LINGO2: variants seen among roughly 807,000 people sequenced by gnomAD.
LINGO2 encodes the protein leucine-rich repeat and immunoglobulin-like domain-containing nogo receptor-interacting protein 2.
In LINGO2, 14 loss-of-function variants were observed where a neutral mutation model predicts 30.6. The ratio of observed to expected loss-of-function variants is 0.46; its 90% CI spans 0.30 to 0.72. The LOEUF (loss-of-function observed/expected upper bound fraction) is 0.72, where lower values mean the gene tolerates loss of function less well. Ranked by LOEUF, LINGO2 falls within the 30% of genes least tolerant of loss-of-function variation. The probability of loss-of-function intolerance (pLI) is 0.07; values close to 1 mark genes in which losing one functional copy is unlikely to be tolerated. For missense variants in LINGO2, 729 were observed against 751.7 expected (o/e 0.97, Z 0.35); for synonymous variants, 317 against 288.5 (o/e 1.10, Z -1.00).
At chr9:29,126,563 A>C in the LINGO2 span, among the ~76,000 whole-genome samples, 3 of 152,108 alleles carry the variant, frequency 2.0e-5, 1 homozygote, top group South Asian at 6.2e-4. Context: ...AAATGAGTTC[A>C]AGTAGTATCT....
the LINGO2 span, among the ~76,000 whole-genome samples, chr9:29,087,563 A>T: frequency 1.3e-5 from 2 of 152,200 alleles, no homozygotes; most frequent in African/African-American, 4.8e-5. Context: ...GTTTTCCCAT[A>T]GACCACACTG....
chr9:29,073,354 G>C, the LINGO2 span, among the ~76,000 whole-genome samples: 1 of 151,968 alleles, frequency 6.6e-6, no homozygotes, highest in Non-Finnish European at 1.5e-5. Context: ...TTAAGTAATG[G>C]GGGAAAAAAA....
the LINGO2 span, among the ~76,000 whole-genome samples, chr9:29,047,689 G>T: frequency 1.3e-5 from 2 of 152,114 alleles, no homozygotes; most frequent in African/African-American, 2.4e-5. Flanking sequence ...AATTATACTT[G>T]TTTGCAGATT....
intron 4 of LINGO2, among the ~76,000 whole-genome samples, chr9:28,083,475 G>T (rs1039604459): frequency 5.9e-5 from 9 of 152,106 alleles, no homozygotes; most frequent in Non-Finnish European, 1.0e-4. Context: ...GACTATTATG[G>T]ATTACCTGTT....
chr9:28,763,180 A>G, the LINGO2 span, among the ~76,000 whole-genome samples: 2 of 152,044 alleles, frequency 1.3e-5, no homozygotes, highest in African/African-American at 4.8e-5. Flanking sequence ...TCAGACTTGA[A>G]TAACACTCAA....
At chr9:28,785,605 AG>A in the LINGO2 span, among the ~76,000 whole-genome samples, 1 of 152,080 alleles carries the variant, frequency 6.6e-6, no homozygotes, top group African/African-American at 2.4e-5. Context: ...GACACACAGC[AG>A]ACTCTCACTT....
At chr9:28,606,797 T>A (rs1246341850) in intron 1 of LINGO2, among the ~76,000 whole-genome samples, 1 of 152,052 alleles carries the variant, frequency 6.6e-6, no homozygotes, top group East Asian at 1.9e-4. Flanking sequence ...TGCAATTATG[T>A]AAAATTGAAT....
the LINGO2 span, among the ~76,000 whole-genome samples, chr9:29,164,653 C>G: frequency 6.6e-6 from 1 of 151,960 alleles, no homozygotes; most frequent in East Asian, 1.9e-4. Flanking sequence ...AATTAAGAAG[C>G]AGAATTTCTA....
chr9:28,505,935 AT>A (rs1285697755), intron 1 of LINGO2, among the ~76,000 whole-genome samples: 6 of 151,986 alleles, frequency 3.9e-5, no homozygotes, highest in Non-Finnish European at 8.8e-5. Flanking sequence ...GCACAAAGGA[AT>A]TATTATTATG....
chr9:28,016,514 C>T (rs2119313279), intron 4 of LINGO2, among the ~76,000 whole-genome samples: 1 of 151,980 alleles, frequency 6.6e-6, no homozygotes, highest in Non-Finnish European at 1.5e-5. Context: ...ACAAATTTCC[C>T]ACAGAAATAA....
intron 4 of LINGO2, among the ~76,000 whole-genome samples, chr9:28,262,469 C>T (rs1822598369): frequency 6.6e-6 from 1 of 151,662 alleles, no homozygotes; most frequent in South Asian, 2.1e-4. Context: ...ACAAAAAAGC[C>T]AGATTAGTGG....
At chr9:28,540,263 TCTCTCTCTCTCTCC>T (rs1301502136) in intron 1 of LINGO2, among the ~76,000 whole-genome samples, 3 of 151,202 alleles carry the variant, frequency 2.0e-5, no homozygotes, top group African/African-American at 4.9e-5. Context: ...TTTCTGTCTC[TCTCTCTCTCTCTCC>T]CTCTCTCTCT....
At chr9:28,082,031 C>A (rs995428262) in intron 4 of LINGO2, among the ~76,000 whole-genome samples, 3 of 152,126 alleles carry the variant, frequency 2.0e-5, no homozygotes, top group Non-Finnish European at 4.4e-5. Flanking sequence ...ACTTCTTGAT[C>A]ATAAAAACCT....
intron 4 of LINGO2, among the ~76,000 whole-genome samples, chr9:28,037,824 TAA>T (rs1824010834): frequency 6.6e-6 from 1 of 152,196 alleles, no homozygotes; most frequent in African/African-American, 2.4e-5. Flanking sequence ...CACAACCTCT[TAA>T]AACACCTATT....
the LINGO2 span, among the ~76,000 whole-genome samples, chr9:29,027,765 C>A: frequency 6.6e-6 from 1 of 152,136 alleles, no homozygotes; most frequent in African/African-American, 2.4e-5. Context: ...GATTTGAGTT[C>A]AAACTCTGCT....
chr9:28,239,394 A>G (rs1358130164), intron 4 of LINGO2, among the ~76,000 whole-genome samples: 1 of 152,156 alleles, frequency 6.6e-6, no homozygotes, highest in Non-Finnish European at 1.5e-5. Context: ...TCAACAAAAT[A>G]CTAGTAAACT....
chr9:28,788,099 T>C, the LINGO2 span, among the ~76,000 whole-genome samples: 7 of 152,126 alleles, frequency 4.6e-5, no homozygotes, highest in Admixed American at 4.6e-4. Context: ...GAAATTAAGA[T>C]AAAGTGAAAA....
At chr9:28,088,203 TACACACACACACACACACACAC>T (rs56044203) in intron 4 of LINGO2, among the ~76,000 whole-genome samples, 1 of 148,506 alleles carries the variant, frequency 6.7e-6, no homozygotes, top group African/African-American at 2.5e-5. Flanking sequence ...TATATAATTA[TACACACACACACACACACACAC>T]ACACACACAC....
At chr9:29,061,206 T>C in the LINGO2 span, among the ~76,000 whole-genome samples, 1 of 151,916 alleles carries the variant, frequency 6.6e-6, no homozygotes, top group Non-Finnish European at 1.5e-5. Flanking sequence ...GCAGCATGCA[T>C]AAATCTCAAA....
Sources: gnomAD v4.1 joint callset for allele counts (sites outside exome capture counted in the v4.1 genomes callset) on GRCh38, gnomAD v4.1.1 for gene constraint, MANE v1.5 for transcripts, NCBI Gene and HGNC (gene_info 2026-07-23, HGNC 2026-07-21) for gene names.